NBEA: variants seen among roughly 807,000 people sequenced by gnomAD.
NBEA encodes the protein neurobeachin.
Under a neutral mutation model 343.4 loss-of-function variants are expected in NBEA, and 44 were observed. That is an observed-to-expected ratio of 0.13 (90% CI 0.10 to 0.16). NBEA has a LOEUF of 0.16. Ranked by LOEUF, NBEA falls within the 10% of genes least tolerant of loss-of-function variation. The probability of loss-of-function intolerance (pLI) is 1.00; values close to 1 mark genes in which losing one functional copy is unlikely to be tolerated. For synonymous variants in NBEA, 1,175 were observed against 1,238.7 expected, an observed-to-expected ratio of 0.95 and a Z score of 1.08; for missense variants, 2,555 against 3,631.3, an observed-to-expected ratio of 0.70 and a Z score of 7.62.
chr13:35,232,020 A>G (rs2075002260), intron 33 of NBEA, among the ~76,000 whole-genome samples: 1 of 152,298 alleles, frequency 6.6e-6, no homozygotes, highest in Middle Eastern at 3.4e-3. Context: ...GAAAATGCCT[A>G]CTTTGGCAAA....
intron 54 of NBEA, 62 bp downstream of exon 54, chr13:35,655,072 A>G (rs959166505): frequency 1.6e-6 from 2 of 1,281,628 alleles, no homozygotes; most frequent in Non-Finnish European, 2.0e-6. Context: ...ACCAAAGCTG[A>G]ATATGAAATC....
chr13:34,997,893 G>T (rs2060992312), intron 1 of NBEA, among the ~76,000 whole-genome samples: 1 of 152,130 alleles, frequency 6.6e-6, no homozygotes, highest in African/African-American at 2.4e-5. Flanking sequence ...TTTTACAAGA[G>T]ACCTTATTAT....
At chr13:35,009,112 G>A (rs982281783) in intron 1 of NBEA, among the ~76,000 whole-genome samples, 2 of 152,052 alleles carry the variant, frequency 1.3e-5, no homozygotes, top group East Asian at 1.9e-4. Context: ...CCAGCTCATT[G>A]GAATTAGACT....
intron 34 of NBEA, among the ~76,000 whole-genome samples, chr13:35,285,752 T>C (rs1267983031): frequency 6.6e-6 from 1 of 152,208 alleles, no homozygotes; most frequent in Non-Finnish European, 1.5e-5. Flanking sequence ...GAAAGTGGTC[T>C]TTCCAAAATA....
chr13:35,218,828 C>T (rs1187263763), intron 33 of NBEA, among the ~76,000 whole-genome samples: 1 of 151,986 alleles, frequency 6.6e-6, no homozygotes, highest in Non-Finnish European at 1.5e-5. Context: ...AAAGAATTCT[C>T]AATTTCTGTA....
intron 36 of NBEA, among the ~76,000 whole-genome samples, chr13:35,310,241 C>T (rs1214005057): frequency 6.6e-6 from 1 of 152,046 alleles, no homozygotes; most frequent in African/African-American, 2.4e-5. Flanking sequence ...CAAAAACAGG[C>T]TCTGTATGCT....
chr13:35,617,264 G>A (rs1030038420), intron 48 of NBEA, among the ~76,000 whole-genome samples: 1 of 152,140 alleles, frequency 6.6e-6, no homozygotes, highest in African/African-American at 2.4e-5. Context: ...TAAGACTTGT[G>A]AACTGAAACT....
intron 34 of NBEA, among the ~76,000 whole-genome samples, chr13:35,237,362 A>G (rs1401679284): frequency 2.0e-5 from 3 of 152,210 alleles, no homozygotes; most frequent in Admixed American, 1.3e-4. Context: ...TCCAAGGTCC[A>G]TACTTGCTCT....
chr13:35,037,764 C>A (rs935231222), intron 1 of NBEA, among the ~76,000 whole-genome samples: 7 of 152,208 alleles, frequency 4.6e-5, no homozygotes, highest in Non-Finnish European at 1.0e-4. Context: ...CCTATGACCA[C>A]CACCACCATG....
At chr13:35,264,796 G>A (rs1350969079) in intron 34 of NBEA, among the ~76,000 whole-genome samples, 1 of 151,850 alleles carries the variant, frequency 6.6e-6, no homozygotes, top group African/African-American at 2.4e-5. Flanking sequence ...ATTCAGTGGA[G>A]ACAATTTGAA....
intron 9 of NBEA, 111 bp from the exon 10 acceptor site, chr13:35,070,607 TA>T: frequency 1.0e-6 from 1 of 998,746 alleles, no homozygotes; most frequent in Non-Finnish European, 1.3e-6. Context: ...ATTGAAGGCT[TA>T]AAAATGTCCA....
intron 38 of NBEA, among the ~76,000 whole-genome samples, chr13:35,364,967 A>G (rs1339983015): frequency 1.3e-5 from 2 of 151,808 alleles, no homozygotes; most frequent in Non-Finnish European, 3.0e-5. Context: ...TGACCCTGAT[A>G]GAACTCTAAT....
At chr13:35,395,830 A>G (rs566680294) in intron 38 of NBEA, among the ~76,000 whole-genome samples, 5 of 152,276 alleles carry the variant, frequency 3.3e-5, no homozygotes, top group African/African-American at 1.2e-4. Context: ...GACTAAGTAC[A>G]CATTTGTGAA....
intron 1 of NBEA, among the ~76,000 whole-genome samples, chr13:34,961,881 CAT>C (rs2059672398): frequency 6.6e-6 from 1 of 151,974 alleles, no homozygotes; most frequent in Non-Finnish European, 1.5e-5. Context: ...ACTAGCCACA[CAT>C]GTGGCTAGTG....
chr13:35,624,344 C>A (rs2083130002), intron 48 of NBEA, among the ~76,000 whole-genome samples: 1 of 151,984 alleles, frequency 6.6e-6, no homozygotes, highest in South Asian at 2.1e-4. Context: ...TATGAAGTAT[C>A]TGGGAATAAA....
chr13:35,036,862 A>T (rs2062461049), intron 1 of NBEA, among the ~76,000 whole-genome samples: 2 of 152,110 alleles, frequency 1.3e-5, no homozygotes, highest in South Asian at 4.2e-4. Context: ...CTTGATTACT[A>T]AATGTCTTGA....
intron 45 of NBEA, among the ~76,000 whole-genome samples, chr13:35,582,406 T>C (rs941133037): frequency 3.3e-5 from 5 of 152,208 alleles, no homozygotes; most frequent in African/African-American, 4.8e-5. Context: ...AATTATGTTG[T>C]TTTAAATATT....
At chr13:35,645,305 A>G (rs2084174052) in intron 49 of NBEA, among the ~76,000 whole-genome samples, 1 of 152,222 alleles carries the variant, frequency 6.6e-6, no homozygotes, top group African/African-American at 2.4e-5. Context: ...CATAGTAAAT[A>G]TCATGCTTCT....
At chr13:35,100,012 A>G (rs968669483) in intron 11 of NBEA, among the ~76,000 whole-genome samples, 15 of 152,166 alleles carry the variant, frequency 9.9e-5, no homozygotes, top group African/African-American at 3.1e-4. Context: ...GAGAAGTAAT[A>G]GAAGTGAGAT....
Sources: allele counts gnomAD v4.1 joint callset (sites outside exome capture counted in the v4.1 genomes callset), GRCh38; gene constraint gnomAD v4.1.1; transcripts MANE v1.5; gene names NCBI Gene and HGNC (gene_info 2026-07-23, HGNC 2026-07-21).